Variants in UBE2L6 observed in about 807,000 individuals in gnomAD.
The protein encoded by UBE2L6 is ubiquitin conjugating enzyme E2 L6.
Under a neutral mutation model 13.6 loss-of-function variants are expected in UBE2L6, and 11 were observed. The observed-to-expected ratio is 0.81, with a 90% CI of 0.51 to 1.34. The LOEUF (loss-of-function observed/expected upper bound fraction) is 1.34, where lower values mean the gene tolerates loss of function less well. UBE2L6 is among the 40% of genes most tolerant of loss of function. UBE2L6 has a pLI of 0.00. For synonymous variants in UBE2L6, 74 were observed against 83.2 expected (o/e 0.89, Z 0.60); for missense variants, 197 against 199.5 (o/e 0.99, Z 0.07).
At chr11:57,558,005 T>C (rs1201191226) in intron 2 of UBE2L6, among the ~76,000 whole-genome samples, 1 of 152,250 alleles carries the variant, frequency 6.6e-6, no homozygotes, top group Non-Finnish European at 1.5e-5. Context: ...GATTCCATGC[T>C]GTATCTTACA....
At chr11:57,559,277 A>G (rs574211431) in intron 2 of UBE2L6, among the ~76,000 whole-genome samples, 1 of 152,270 alleles carries the variant, frequency 6.6e-6, no homozygotes, top group East Asian at 1.9e-4. Context: ...AGGTCAGTTT[A>G]AAGAGAAGAC....
intron 2 of UBE2L6, among the ~76,000 whole-genome samples, chr11:57,558,482 G>A (rs1430354721): frequency 1.3e-5 from 2 of 152,146 alleles, no homozygotes; most frequent in Non-Finnish European, 2.9e-5. Flanking sequence ...CTTATTCTGA[G>A]TGACCCCAGA....
At chr11:57,557,846 C>T (rs1015590690) in intron 2 of UBE2L6, among the ~76,000 whole-genome samples, 3 of 152,160 alleles carry the variant, frequency 2.0e-5, no homozygotes, top group Non-Finnish European at 2.9e-5. Flanking sequence ...TTCTGGGCTT[C>T]GTAGGACTTA....
At position 57,552,055 on chromosome 11, in the gene UBE2L6, C is replaced by T. The variant is rs75962204; in HGVS notation, c.*303G>A. On this transcript the variant is annotated 3_prime_UTR_variant, in exon 4 of 4. Coordinates refer to ENST00000287156, the MANE Select transcript of UBE2L6 (RefSeq NM_004223.5). ...AGCAGGCCTGCAAGGTGACCTGTCT[C>T]TCTAAGATGGAGAGCTGGAGAACTG... is the stretch of plus-strand genomic sequence containing the variant. 378 of 335,618 alleles carry T rather than the reference C, an allele frequency of 1.1e-3. 2 individuals carry two copies. The highest frequency in any genetic ancestry group is 7.3e-3 in the African/African-American group (343 of 47,252). The allele number at this position is 335,618 out of a possible 1,614,324, so 20.8% of individuals were successfully genotyped here.
intron 1 of UBE2L6, 172 bp from the exon 2 acceptor site, chr11:57,560,604 CT>C: frequency 1.8e-6 from 1 of 552,780 alleles, no homozygotes; most frequent in Non-Finnish European, 3.2e-6. Context: ...AGGCATGGTG[CT>C]GGTGCTTTTT....
At chr11:57,555,753 T>A (rs541414069) in intron 2 of UBE2L6, among the ~76,000 whole-genome samples, 19 of 152,228 alleles carry the variant, frequency 1.2e-4, no homozygotes, top group African/African-American at 2.9e-4. Flanking sequence ...ATTAAAAAAA[T>A]TTTTTTGATA....
chr11:57,566,980 A>C (rs1371164949), intron 1 of UBE2L6: 1 of 411,208 alleles, frequency 2.4e-6, no homozygotes, highest in Non-Finnish European at 4.6e-6. Context: ...GGGCCAGCAC[A>C]TGTAGGCATT....
At chr11:57,554,219 A>G (rs1944980131) in intron 3 of UBE2L6, among the ~76,000 whole-genome samples, 1 of 152,198 alleles carries the variant, frequency 6.6e-6, no homozygotes, top group Middle Eastern at 3.2e-3. Context: ...AACCGCAGCA[A>G]CGTTCCTCTG....
chr11:57,567,794 G>T (rs1328469616), upstream of UBE2L6: 2 of 603,702 alleles, frequency 3.3e-6, no homozygotes, highest in African/African-American at 2.0e-5. Flanking sequence ...GTCGAAGGAC[G>T]ACCCGCCGGA....
At chr11:57,565,356 GTTTTTTT>G (rs370848897) in intron 1 of UBE2L6, among the ~76,000 whole-genome samples, 45 of 98,146 alleles carry the variant, frequency 4.6e-4, no homozygotes, top group Non-Finnish European at 7.3e-4. Context: ...TGTATTAGTT[GTTTTTTT>G]TTTTTTTTTT....
chr11:57,557,519 C>T (rs1005564040), intron 2 of UBE2L6, among the ~76,000 whole-genome samples: 14 of 151,962 alleles, frequency 9.2e-5, no homozygotes, highest in African/African-American at 3.4e-4. Flanking sequence ...CTCAGCCTCC[C>T]AACTAGTTGG....
intron 2 of UBE2L6, among the ~76,000 whole-genome samples, chr11:57,559,558 G>A (rs1234925635): frequency 4.6e-5 from 7 of 151,718 alleles, no homozygotes; most frequent in Non-Finnish European, 1.0e-4. Flanking sequence ...TGCAGGAAAC[G>A]AACATCGCAT....
At chr11:57,555,909 T>C (rs1026179095) in intron 2 of UBE2L6, among the ~76,000 whole-genome samples, 2 of 152,204 alleles carry the variant, frequency 1.3e-5, no homozygotes, top group Admixed American at 6.5e-5. Context: ...CTGAACTATA[T>C]ACTTAAAAAT....
At chr11:57,557,304 A>G (rs1439080696) in intron 2 of UBE2L6, among the ~76,000 whole-genome samples, 2 of 151,442 alleles carry the variant, frequency 1.3e-5, no homozygotes, top group Admixed American at 6.6e-5. Context: ...CTTCTCTTGC[A>G]TGTGATCTGT....
rs766920228 is a variant in UBE2L6 at position 57,552,511 on chromosome 11, T to G, written c.311-2A>C. The G allele has an allele frequency of 3.7e-6, 6 of 1,614,072 alleles. No individual in the cohort carries two copies. The South Asian group carries it at 6.6e-5, about 18-fold the overall frequency. ...CCAGCACATTGAGGGCCTCCAGGAC[T>G]GGGGAGAGACAGGCCAGATCAGGAT... On this transcript the variant is annotated splice_acceptor_variant, in intron 3 of 3. Coordinates refer to ENST00000287156, the MANE Select transcript of UBE2L6 (RefSeq NM_004223.5). LOFTEE classifies it high-confidence loss of function.
rs138661800 is a variant in UBE2L6, at chr11:57,552,313, G to C, written c.*45C>G. The C allele has an allele frequency of 1.2e-6, 2 of 1,608,796 alleles. No homozygotes were observed. The highest frequency in any genetic ancestry group is 4.5e-5 in the East Asian group (2 of 44,798). On this transcript the variant is annotated 3_prime_UTR_variant, in exon 4 of 4. Coordinates refer to ENST00000287156, the MANE Select transcript of UBE2L6 (RefSeq NM_004223.5). The stretch of plus-strand genomic sequence containing the variant: ...TGGCCTCAGTCCATGAGGTGTGTCC[G>C]TCCGCTATGCCGAGGATCCAGTGCA...
intron 3 of UBE2L6, 135 bp downstream of exon 3, chr11:57,554,302 T>A (rs528236137): frequency 9.8e-7 from 1 of 1,020,414 alleles, no homozygotes; most frequent in Non-Finnish European, 1.4e-6. Flanking sequence ...TTCTATCTCA[T>A]AGTAAGTTCA....
intron 1 of UBE2L6, among the ~76,000 whole-genome samples, chr11:57,563,223 C>T (rs1014948557): frequency 2.0e-5 from 3 of 151,996 alleles, no homozygotes; most frequent in Admixed American, 6.6e-5. Flanking sequence ...GGTGCAGTGG[C>T]TCATGCCTGT....
At chr11:57,557,444 G>C (rs1402155824) in intron 2 of UBE2L6, among the ~76,000 whole-genome samples, 5 of 150,090 alleles carry the variant, frequency 3.3e-5, no homozygotes, top group South Asian at 2.1e-4. Flanking sequence ...GCCCAGGCTG[G>C]AGTGCAATGG....
Sources: gnomAD v4.1 joint callset for allele counts (sites outside exome capture counted in the v4.1 genomes callset) on GRCh38, gnomAD v4.1.1 for gene constraint, MANE v1.5 for transcripts, NCBI Gene and HGNC (gene_info 2026-07-23, HGNC 2026-07-21) for gene names.